PLEKHA2: variants seen among roughly 807,000 people sequenced by gnomAD.
PLEKHA2 encodes the protein pleckstrin homology domain-containing family A member 2.
Under a neutral mutation model 53.2 loss-of-function variants are expected in PLEKHA2, and 28 were observed. The ratio of observed to expected loss-of-function variants is 0.53; its 90% CI spans 0.39 to 0.72. The LOEUF (loss-of-function observed/expected upper bound fraction) is 0.72. PLEKHA2 is among the 30% of genes least tolerant of loss of function. PLEKHA2 has a pLI of 0.00. For synonymous variants in PLEKHA2, 193 were observed against 196.4 expected (o/e 0.98, Z 0.14); for missense variants, 426 against 537.9 (o/e 0.79, Z 2.06).
chr8:38,972,296 C>T lies in PLEKHA2; in HGVS notation c.*2513C>T, dbSNP rs1390073589. ...TGAATCTCTGGGCTTAAGCAATCCT[C>T]CCATGTTAGCTTCCCAAGTAGCTAG... On this transcript the variant is annotated 3_prime_UTR_variant, in exon 12 of 12. Coordinates refer to ENST00000617275, the MANE Select transcript of PLEKHA2 (RefSeq NM_021623.2). 1.3e-5 allele frequency: 2 copies of T among 152,108 alleles called. No individual in the cohort carries two copies. Among genetic ancestry groups the T allele is most frequent in the South Asian group, 2.1e-4 (1 of 4,824 alleles). 9.4% of individuals were successfully genotyped at this position (152,108 alleles called of 1,614,324 possible). A position where few individuals can be genotyped will look rare whatever the true frequency, so the allele number is the denominator to read the frequency against.
At chr8:38,951,380 G>A (rs1834836358) in intron 6 of PLEKHA2, among the ~76,000 whole-genome samples, 1 of 151,792 alleles carries the variant, frequency 6.6e-6, no homozygotes, top group Non-Finnish European at 1.5e-5. Flanking sequence ...CAACCTCCCT[G>A]ATGCTGGTTC....
In PLEKHA2 at chr8:38,946,196, C is replaced by T. The variant is rs1383961872; in HGVS notation, c.320C>T (p.Ala107Val). ...DQKDMKDWVE[A>V]LNQASKITVP... ...AAAGATATGAAGGACTGGGTTGAAG[C>T]CCTGAACCAAGCCAGCAAGATCACC... The change falls in exon 5 of 12, where the codon GCC becomes GTC. Residue 107 changes from alanine to valine, a missense_variant. Coordinates refer to ENST00000617275, the MANE Select transcript of PLEKHA2 (RefSeq NM_021623.2). 1 of 1,605,180 alleles carries T rather than the reference C, an allele frequency of 6.2e-7. No homozygotes were observed. The highest frequency in any genetic ancestry group is 1.3e-5 in the African/African-American group (1 of 74,964).
intron 10 of PLEKHA2, among the ~76,000 whole-genome samples, chr8:38,966,805 T>C (rs1436669321): frequency 6.6e-6 from 1 of 152,154 alleles, no homozygotes; most frequent in South Asian, 2.1e-4. Flanking sequence ...CTTTTTTTTT[T>C]GTATAAATTT....
intron 5 of PLEKHA2, among the ~76,000 whole-genome samples, chr8:38,947,288 T>C (rs781494459): frequency 7.2e-5 from 11 of 151,986 alleles, no homozygotes; most frequent in Non-Finnish European, 1.5e-4. Context: ...CCGTCTCTAC[T>C]AAAAATACAA....
At chr8:38,907,807 A>G (rs1226488382) in intron 1 of PLEKHA2, among the ~76,000 whole-genome samples, 1 of 149,068 alleles carries the variant, frequency 6.7e-6, no homozygotes, top group Non-Finnish European at 1.5e-5. Context: ...TCATCCAGCC[A>G]GCCACTTATT....
intron 9 of PLEKHA2, among the ~76,000 whole-genome samples, 182 bp downstream of exon 9, chr8:38,953,549 G>A (rs1834885047): frequency 1.3e-5 from 2 of 152,186 alleles, no homozygotes; most frequent in Non-Finnish European, 2.9e-5. Flanking sequence ...ACCGCCCTGG[G>A]CACACTTGCC....
intron 1 of PLEKHA2, among the ~76,000 whole-genome samples, chr8:38,911,742 G>A (rs1264813053): frequency 6.6e-6 from 1 of 152,164 alleles, no homozygotes; most frequent in East Asian, 1.9e-4. Flanking sequence ...TGGGAGGCTT[G>A]AGGCAGGAGG....
At chr8:38,949,823 A>G (rs750944708) in intron 5 of PLEKHA2, among the ~76,000 whole-genome samples, 2 of 152,164 alleles carry the variant, frequency 1.3e-5, no homozygotes, top group Non-Finnish European at 2.9e-5. Context: ...TCCACTTTTC[A>G]TTTTATGCAT....
At chr8:38,951,071 G>A in intron 6 of PLEKHA2, 81 bp downstream of exon 6, 1 of 962,370 alleles carries the variant, frequency 1.0e-6, no homozygotes, top group Non-Finnish European at 1.4e-6. Context: ...TCGGAGCACT[G>A]TACTGGGGAA....
chr8:38,943,675 A>G (rs1319803900), intron 3 of PLEKHA2, 114 bp from the exon 4 acceptor site: 1 of 760,930 alleles, frequency 1.3e-6, no homozygotes, highest in Non-Finnish European at 2.0e-6. Context: ...ATTATTTTTT[A>G]AAAATGTAGA....
intron 6 of PLEKHA2, among the ~76,000 whole-genome samples, chr8:38,951,821 C>G (rs573441651): frequency 1.3e-5 from 2 of 152,240 alleles, no homozygotes; most frequent in African/African-American, 4.8e-5. Flanking sequence ...ATCCTCCAAC[C>G]TCTGCTTCCT....
Position 38,901,390 on chromosome 8 carries a change from G to C in PLEKHA2, c.-79G>C, listed in dbSNP as rs1833781214. 1 of 151,696 alleles carries C rather than the reference G, an allele frequency of 6.6e-6. No homozygotes were observed. Among genetic ancestry groups the C allele is most frequent in the Non-Finnish European group, 1.5e-5 (1 of 68,236 alleles). The allele number at this position is 151,696 out of a possible 1,614,324, so 9.4% of individuals were successfully genotyped here. ...GCGCGGCGGACCCGGCGGCCGGAGG[G>C]GCGACCCCGCCCGATGTAACGCGCC... On this transcript the variant is annotated 5_prime_UTR_variant, in exon 1 of 12. Transcript: ENST00000617275.
intron 2 of PLEKHA2, among the ~76,000 whole-genome samples, chr8:38,929,085 C>G (rs1347789318): frequency 6.6e-6 from 1 of 152,260 alleles, no homozygotes; most frequent in African/African-American, 2.4e-5. Flanking sequence ...ACATTCTTTT[C>G]TGTGAGTCTA....
At position 38,924,771 on chromosome 8, in the gene PLEKHA2, T is replaced by G. The variant is rs537038399; in HGVS notation, c.141+6701T>G. On this transcript the variant is annotated intron_variant, in intron 2 of 11. Coordinates refer to ENST00000617275, the MANE Select transcript of PLEKHA2 (RefSeq NM_021623.2). ...AGATGGACATACGGTGGGGGTGTGT[T>G]GGGGATCAGAACACAGCGTGGGCCA... 2.0e-5 allele frequency among the ~76,000 whole-genome samples: 3 copies of G among 152,260 alleles called. 1 individual carries two copies. Among genetic ancestry groups the G allele is most frequent in the South Asian group, 4.1e-4 (2 of 4,824 alleles).
chr8:38,950,718 T>C, intron 5 of PLEKHA2, 132 bp from the exon 6 acceptor site: 2 of 1,117,758 alleles, frequency 1.8e-6, no homozygotes, highest in Admixed American at 2.7e-5. Flanking sequence ...TGTGGAAGGC[T>C]TGGGGAGGAC....
chr8:38,920,797 CTT>C (rs76430009), intron 2 of PLEKHA2, among the ~76,000 whole-genome samples: 2 of 145,508 alleles, frequency 1.4e-5, no homozygotes, highest in African/African-American at 2.5e-5. Flanking sequence ...CTCCTGGTTT[CTT>C]TTTTTTTTTT....
At chr8:38,907,658 G>A (rs1354425461) in intron 1 of PLEKHA2, among the ~76,000 whole-genome samples, 7 of 151,918 alleles carry the variant, frequency 4.6e-5, no homozygotes, top group Non-Finnish European at 8.8e-5. Context: ...CCACTCAGGA[G>A]GCTGAGGTGG....
chr8:38,918,005 C>T lies in PLEKHA2; in HGVS notation c.76C>T (p.Leu26=). 6.2e-7 allele frequency: 1 copy of T among 1,613,598 alleles called. No individual in the cohort carries two copies. Among genetic ancestry groups the T allele is most frequent in the Non-Finnish European group, 8.5e-7 (1 of 1,179,700 alleles). ...GGAGCATGAGAACAGCGGCAAGTTT[C>T]TGCGGAGGTACTTCATTCTGGACAC... ...IEEHENSGKF[L]RRYFILDTQA... is the part of the protein sequence containing the mutation. The change falls in exon 2 of 12, where the codon CTG becomes TTG. Residue 26 remains leucine (L), a synonymous_variant. Coordinates refer to ENST00000617275, the MANE Select transcript of PLEKHA2 (RefSeq NM_021623.2).
intron 1 of PLEKHA2, among the ~76,000 whole-genome samples, chr8:38,903,856 T>G (rs1459355801): frequency 6.6e-6 from 1 of 152,220 alleles, no homozygotes; most frequent in African/African-American, 2.4e-5. Context: ...AAAGAGGATC[T>G]GGGTGCTGGG....
Sources: allele counts gnomAD v4.1 joint callset (sites outside exome capture counted in the v4.1 genomes callset), GRCh38; gene constraint gnomAD v4.1.1; transcripts MANE v1.5; gene names NCBI Gene and HGNC (gene_info 2026-07-23, HGNC 2026-07-21).